BAZ1A: variants seen among roughly 807,000 people sequenced by gnomAD.
The protein encoded by BAZ1A is bromodomain adjacent to zinc finger domain protein 1A.
A neutral mutation model predicts 185.2 loss-of-function variants in BAZ1A; 50 were observed. The ratio of observed to expected loss-of-function variants is 0.27; its 90% CI spans 0.22 to 0.34. The LOEUF (loss-of-function observed/expected upper bound fraction) is 0.34. Ranked by LOEUF, BAZ1A falls within the 10% of genes least tolerant of loss-of-function variation. The pLI, the probability that BAZ1A is intolerant of heterozygous loss-of-function variation, is 1.00. For synonymous variants in BAZ1A, 571 were observed against 615.6 expected, an observed-to-expected ratio of 0.93 and a Z score of 1.07; for missense variants, 1,356 against 1,839.9, an observed-to-expected ratio of 0.74 and a Z score of 4.81.
At chr14:34,859,624 G>A (rs1010963271) in intron 3 of BAZ1A, among the ~76,000 whole-genome samples, 1 of 151,588 alleles carries the variant, frequency 6.6e-6, no homozygotes, top group South Asian at 2.1e-4. Context: ...ACTCTTAACT[G>A]AGCCTCCTTT....
chr14:34,758,114 T>TC (rs1174552512), intron 25 of BAZ1A, among the ~76,000 whole-genome samples: 2 of 92,018 alleles, frequency 2.2e-5, no homozygotes, highest in African/African-American at 1.0e-4. Flanking sequence ...AGACCCTGTC[T>TC]CAAAAAAAAA....
intron 2 of BAZ1A, among the ~76,000 whole-genome samples, chr14:34,867,022 G>A (rs1720486980): frequency 6.6e-6 from 1 of 151,756 alleles, no homozygotes; most frequent in Admixed American, 6.6e-5. Context: ...CACTTTGGGA[G>A]GCCGAGGCAG....
chr14:34,827,931 T>G (rs2042186707), intron 3 of BAZ1A, among the ~76,000 whole-genome samples: 2 of 152,018 alleles, frequency 1.3e-5, no homozygotes, highest in Non-Finnish European at 2.9e-5. Flanking sequence ...TATTCTGGCT[T>G]CCTTTACTCT....
At chr14:34,841,939 GTTTT>G (rs1477525240) in intron 3 of BAZ1A, among the ~76,000 whole-genome samples, 1 of 151,984 alleles carries the variant, frequency 6.6e-6, no homozygotes, top group Non-Finnish European at 1.5e-5. Context: ...ATCCTATCAA[GTTTT>G]ATTTTAAAAA....
chr14:34,763,794 G>A (rs1185842406), intron 23 of BAZ1A, among the ~76,000 whole-genome samples: 2 of 151,884 alleles, frequency 1.3e-5, no homozygotes, highest in Non-Finnish European at 2.9e-5. Context: ...TAGACATAGT[G>A]CTACTGCATG....
At chr14:34,774,206 T>C in intron 19 of BAZ1A, 121 bp downstream of exon 19, 1 of 728,930 alleles carries the variant, frequency 1.4e-6, no homozygotes, top group Non-Finnish European at 2.0e-6. Flanking sequence ...ATAAAAAATT[T>C]ATCATTCTCT....
rs377305927 is a variant in BAZ1A, at chr14:34,776,119, T to C, written c.2633A>G (p.His878Arg). The C allele has an allele frequency of 2.5e-5, 40 of 1,614,102 alleles. No individual in the cohort carries two copies. Among genetic ancestry groups the C allele is most frequent in the Middle Eastern group, 1.6e-4 (1 of 6,084 alleles). The change falls in exon 18 of 27, where the codon CAT becomes CGT. Residue 878 changes from histidine (H) to arginine (R), a missense_variant. Coordinates refer to ENST00000360310, the MANE Select transcript of BAZ1A (RefSeq NM_013448.3). ...TSNIDQGPRD[H>R]SVQLPKPVHK... ...CACTGGTTTTGGCAGCTGCACAGAA[T>C]GGTCACGTGGACCTTGGTCAATGTT...
chr14:34,777,125 A>G (rs1004486679), intron 17 of BAZ1A, among the ~76,000 whole-genome samples: 1 of 152,190 alleles, frequency 6.6e-6, no homozygotes, highest in Non-Finnish European at 1.5e-5. Context: ...GAATAACAGC[A>G]AACTACTTCT....
intron 2 of BAZ1A, among the ~76,000 whole-genome samples, chr14:34,870,363 G>T (rs772763123): frequency 6.6e-6 from 1 of 152,164 alleles, no homozygotes; most frequent in Non-Finnish European, 1.5e-5. Flanking sequence ...CTCATTTAAA[G>T]ACACTAGCTA....
At chr14:34,857,131 T>C (rs2042694837) in intron 3 of BAZ1A, among the ~76,000 whole-genome samples, 1 of 151,294 alleles carries the variant, frequency 6.6e-6, no homozygotes, top group East Asian at 2.0e-4. Flanking sequence ...CTCAGCCTCC[T>C]GAGTAGCTGG....
At chr14:34,777,022 G>T (rs890973467) in intron 17 of BAZ1A, among the ~76,000 whole-genome samples, 4 of 152,150 alleles carry the variant, frequency 2.6e-5, no homozygotes, top group Non-Finnish European at 4.4e-5. Context: ...AATCTAAAGG[G>T]GCATGCAAAA....
intron 5 of BAZ1A, among the ~76,000 whole-genome samples, chr14:34,809,921 TA>T (rs2041906640): frequency 6.6e-6 from 1 of 152,186 alleles, no homozygotes; most frequent in Admixed American, 6.6e-5. Context: ...GAAGTTTGAA[TA>T]ATCAAACATT....
intron 3 of BAZ1A, among the ~76,000 whole-genome samples, chr14:34,832,223 T>C (rs1303456180): frequency 4.4e-5 from 4 of 90,280 alleles, no homozygotes; most frequent in African/African-American, 6.9e-5. Context: ...CACATATATA[T>C]ATATATATGT....
At chr14:34,754,417 C>CAAAAAAAA (rs111245900) in intron 26 of BAZ1A, among the ~76,000 whole-genome samples, 1 of 104,872 alleles carries the variant, frequency 9.5e-6, no homozygotes. Flanking sequence ...AGACGTATCT[C>CAAAAAAAA]AAAAAAAAAA....
In BAZ1A at chr14:34,805,235, A is replaced by G. The variant is rs1594858351; in HGVS notation, c.726+2216T>C. On this transcript the variant is annotated intron_variant, in intron 6 of 26. Coordinates refer to ENST00000360310, the MANE Select transcript of BAZ1A (RefSeq NM_013448.3). ...CTTTATGAATTACCCAGTCTCAGGT[A>G]TGTCTTTATAGCAGTGTGAGAATGG... 2.0e-5 allele frequency among the ~76,000 whole-genome samples: 3 copies of G among 152,250 alleles called. No homozygotes were observed. In the South Asian group the frequency reaches 6.2e-4, roughly 31 times the overall value.
chr14:34,863,152 CTTTT>C (rs71121233), intron 2 of BAZ1A, among the ~76,000 whole-genome samples: 10,528 of 44,904 alleles, frequency 0.23, 962 homozygotes, highest in South Asian at 0.4. Context: ...CCACGCTCGG[CTTTT>C]TTTTTTTTTT....
intron 2 of BAZ1A, among the ~76,000 whole-genome samples, chr14:34,865,125 G>A (rs2042836128): frequency 6.6e-6 from 1 of 152,074 alleles, no homozygotes; most frequent in Admixed American, 6.5e-5. Context: ...GCATGAGCCT[G>A]TAATTCGAGC....
chr14:34,758,034 ACAGCGCCCGG>A (rs1393554441), intron 25 of BAZ1A, among the ~76,000 whole-genome samples: 1 of 149,676 alleles, frequency 6.7e-6, no homozygotes, highest in Non-Finnish European at 1.5e-5. Context: ...GGTGTGAGCC[ACAGCGCCCGG>A]CCAACCCTAT....
intron 6 of BAZ1A, among the ~76,000 whole-genome samples, chr14:34,805,479 T>C (rs565550165): frequency 1.3e-5 from 2 of 152,320 alleles, no homozygotes; most frequent in South Asian, 2.1e-4. Flanking sequence ...ATTAGAGGAA[T>C]TGGCCAACTG....
Sources: allele counts gnomAD v4.1 joint callset (sites outside exome capture counted in the v4.1 genomes callset), GRCh38; gene constraint gnomAD v4.1.1; transcripts MANE v1.5; gene names NCBI Gene and HGNC (gene_info 2026-07-23, HGNC 2026-07-21).